GABRB1: variants seen among roughly 807,000 people sequenced by gnomAD.
GABRB1 encodes the protein gamma-aminobutyric acid type A receptor subunit beta1.
Under a neutral mutation model 51.6 loss-of-function variants are expected in GABRB1, and 17 were observed. The ratio of observed to expected loss-of-function variants is 0.33; its 90% CI spans 0.23 to 0.49. The LOEUF (loss-of-function observed/expected upper bound fraction) is 0.49. Among genes scored for constraint, GABRB1 ranks in the 20% least tolerant of loss-of-function variants. The pLI is 0.99. For synonymous variants in GABRB1, 247 were observed against 218.9 expected (o/e 1.13, Z -1.14); for missense variants, 410 against 600.6 (o/e 0.68, Z 3.32).
At chr4:47,091,849 G>A (rs747372012) in intron 3 of GABRB1, among the ~76,000 whole-genome samples, 8 of 151,970 alleles carry the variant, frequency 5.3e-5, no homozygotes, top group Non-Finnish European at 1.2e-4. Context: ...CCACCACACC[G>A]GCCTCCACCA....
At chr4:47,202,694 CACTT>C (rs560706189) in intron 4 of GABRB1, among the ~76,000 whole-genome samples, 27 of 152,208 alleles carry the variant, frequency 1.8e-4, no homozygotes, top group African/African-American at 5.3e-4. Context: ...GTGGGGCAAA[CACTT>C]AATTTCTAAA....
chr4:47,009,827 C>A (rs1724535884), intron 1 of GABRB1, among the ~76,000 whole-genome samples: 2 of 152,180 alleles, frequency 1.3e-5, no homozygotes, highest in Non-Finnish European at 2.9e-5. Context: ...AGGTGGTCTT[C>A]AGCCTGGAAC....
chr4:47,014,366 A>G (rs1319749854), intron 1 of GABRB1, among the ~76,000 whole-genome samples: 1 of 152,198 alleles, frequency 6.6e-6, no homozygotes, highest in Non-Finnish European at 1.5e-5. Context: ...TCATCTTTAT[A>G]AAGAACCTGT....
At chr4:47,010,457 T>A (rs947011479) in intron 1 of GABRB1, among the ~76,000 whole-genome samples, 1 of 152,234 alleles carries the variant, frequency 6.6e-6, no homozygotes, top group African/African-American at 2.4e-5. Flanking sequence ...TTAGGTCTCC[T>A]GCCTCCTACT....
chr4:47,249,684 C>T (rs1055187531), intron 4 of GABRB1, among the ~76,000 whole-genome samples: 1 of 152,102 alleles, frequency 6.6e-6, no homozygotes, highest in Non-Finnish European at 1.5e-5. Flanking sequence ...TAAAATGTCC[C>T]TCTTTGTCTC....
At chr4:47,234,487 CA>C (rs199672537) in intron 4 of GABRB1, among the ~76,000 whole-genome samples, 91 of 143,338 alleles carry the variant, frequency 6.3e-4, no homozygotes, top group African/African-American at 1.0e-3. Context: ...AACTCCGTCT[CA>C]AAAAAAAAAA....
In GABRB1 at chr4:47,406,719, C is replaced by T. The variant is rs746343478; in HGVS notation, c.873C>T (p.Thr291=). ...TTVLTMTTIS[T]HLRETLPKIP... ...TGCTTACAATGACAACCATCAGCAC[C>T]CACCTCAGGGAGACCCTGCCAAAGA... Residue 291 remains threonine, a synonymous_variant, in exon 8 of 9, where the codon ACC becomes ACT. Transcript: ENST00000295454. 6 of 1,614,140 alleles carry T rather than the reference C, an allele frequency of 3.7e-6. No individual in the cohort carries two copies. In the Admixed American group the frequency reaches 1.0e-4, roughly 27 times the overall value.
chr4:47,349,632 C>G (rs1560345523), intron 5 of GABRB1, among the ~76,000 whole-genome samples: 2 of 152,298 alleles, frequency 1.3e-5, no homozygotes, highest in Admixed American at 6.5e-5. Context: ...CACTGCCACC[C>G]ATCCACTAGT....
chr4:47,059,216 A>G (rs1271500994), intron 3 of GABRB1, among the ~76,000 whole-genome samples: 1 of 152,222 alleles, frequency 6.6e-6, no homozygotes, highest in Non-Finnish European at 1.5e-5. Flanking sequence ...ATCATTCCAC[A>G]GCCCAGTTTT....
chr4:47,159,207 A>C (rs529236734), intron 3 of GABRB1, among the ~76,000 whole-genome samples: 1 of 152,148 alleles, frequency 6.6e-6, no homozygotes, highest in East Asian at 1.9e-4. Flanking sequence ...CTTTAAGCCC[A>C]GGAATCTGAG....
intron 4 of GABRB1, among the ~76,000 whole-genome samples, chr4:47,228,361 A>G (rs1385696845): frequency 6.6e-6 from 1 of 152,112 alleles, no homozygotes; most frequent in Non-Finnish European, 1.5e-5. Context: ...CCAAATGGAG[A>G]AATCAGAAAG....
At chr4:47,005,248 C>G (rs1047325470) in intron 1 of GABRB1, among the ~76,000 whole-genome samples, 5 of 152,182 alleles carry the variant, frequency 3.3e-5, no homozygotes, top group Non-Finnish European at 5.9e-5. Context: ...GAAACCCCGT[C>G]TCTACTAAAA....
At chr4:47,109,009 G>A (rs1715106489) in intron 3 of GABRB1, among the ~76,000 whole-genome samples, 1 of 152,106 alleles carries the variant, frequency 6.6e-6, no homozygotes. Flanking sequence ...TGGGTATCAA[G>A]ATTGTTGGGA....
At chr4:47,191,288 T>G (rs780257612) in intron 4 of GABRB1, among the ~76,000 whole-genome samples, 2 of 152,176 alleles carry the variant, frequency 1.3e-5, no homozygotes, top group Non-Finnish European at 2.9e-5. Context: ...TTTTCAGGGA[T>G]GCAGTTTTCA....
rs796437600 is a variant in GABRB1, at chr4:47,213,437, ACTCTCT to A, written c.461+51978_461+51983del. Among the ~76,000 whole-genome samples the A allele has an allele frequency of 9.1e-4, 119 of 130,412 alleles. 1 individual carries two copies. The highest frequency in any genetic ancestry group is 2.7e-3 in the African/African-American group (95 of 34,988). 85.6% of individuals were successfully genotyped at this position (130,412 alleles called of 152,430 possible). On this transcript the variant is annotated intron_variant, in intron 4 of 8. Coordinates refer to ENST00000295454, the MANE Select transcript of GABRB1 (RefSeq NM_000812.4). ...TTCACATTCGCTCTCTCTCTCTCTC[ACTCTCT>A]CTCTCTCTCACTCTCTCTCTCTCTC...
intron 5 of GABRB1, among the ~76,000 whole-genome samples, chr4:47,378,997 T>C (rs188782926): frequency 4.2e-4 from 64 of 152,282 alleles, no homozygotes; most frequent in Non-Finnish European, 7.6e-4. Flanking sequence ...AAATGACTTA[T>C]GTGTTGCTTT....
intron 5 of GABRB1, among the ~76,000 whole-genome samples, chr4:47,389,651 A>G (rs1417063948): frequency 6.6e-6 from 1 of 152,240 alleles, no homozygotes; most frequent in Admixed American, 6.5e-5. Flanking sequence ...ATGGAGATAC[A>G]AAGTTCCATG....
intron 4 of GABRB1, among the ~76,000 whole-genome samples, chr4:47,272,840 T>C (rs1479087017): frequency 1.3e-5 from 2 of 152,182 alleles, no homozygotes; most frequent in South Asian, 2.1e-4. Flanking sequence ...TATCTCTGTA[T>C]ACATTTTATT....
At chr4:47,242,561 T>A (rs1197031184) in intron 4 of GABRB1, among the ~76,000 whole-genome samples, 1 of 152,334 alleles carries the variant, frequency 6.6e-6, no homozygotes, top group African/African-American at 2.4e-5. Context: ...GTTTCCTGAC[T>A]TTTTAATAAT....
Sources: allele counts gnomAD v4.1 joint callset (sites outside exome capture counted in the v4.1 genomes callset), GRCh38; gene constraint gnomAD v4.1.1; transcripts MANE v1.5; gene names NCBI Gene and HGNC (gene_info 2026-07-23, HGNC 2026-07-21).